Variants in SPTBN1 observed in about 807,000 individuals in gnomAD.
SPTBN1 encodes the protein spectrin beta, non-erythrocytic 1.
Under a neutral mutation model 266.4 loss-of-function variants are expected in SPTBN1, and 32 were observed. The ratio of observed to expected loss-of-function variants is 0.12; its 90% CI spans 0.09 to 0.16. SPTBN1 has a LOEUF of 0.16. Among genes scored for constraint, SPTBN1 ranks in the 10% least tolerant of loss-of-function variants. The pLI, the probability that SPTBN1 is intolerant of heterozygous loss-of-function variation, is 1.00. For missense variants in SPTBN1, 2,296 were observed against 3,067.1 expected (o/e 0.75, Z 5.94); for synonymous variants, 1,336 against 1,162.2 (o/e 1.15, Z -3.04).
At chr2:54,647,989 C>T (rs959599202) in intron 24 of SPTBN1, among the ~76,000 whole-genome samples, 3 of 152,152 alleles carry the variant, frequency 2.0e-5, no homozygotes, top group African/African-American at 7.2e-5. Flanking sequence ...ATGCATAGAC[C>T]TGTAAAATGA....
At position 54,628,261 on chromosome 2, in the gene SPTBN1, C is replaced by T. The variant is rs1232000651; in HGVS notation, c.1798+11C>T. 2 of 1,605,562 alleles carry T rather than the reference C, an allele frequency of 1.2e-6. No individual in the cohort carries two copies. The highest frequency in any genetic ancestry group is 1.7e-6 in the Non-Finnish European group (2 of 1,176,288). ...CAACAGACGGGGAAGGTAAGGATGG[C>T]CCATTCCAAGCATTACCTCCGGGTC... On this transcript the variant is annotated intron_variant, in intron 13 of 35. Coordinates refer to ENST00000356805, the MANE Select transcript of SPTBN1 (RefSeq NM_003128.3). This position sits in a 1 kb window ranked among gnomAD's most constrained non-coding sequence, Gnocchi z 4.3.
chr2:54,579,736 G>T (rs1446280248), intron 2 of SPTBN1, among the ~76,000 whole-genome samples: 3 of 152,242 alleles, frequency 2.0e-5, no homozygotes, highest in African/African-American at 7.2e-5. Context: ...GAGAATTGAT[G>T]AGAATGTAGG....
chr2:54,483,734 C>A (rs1465991138), intron 1 of SPTBN1, among the ~76,000 whole-genome samples: 1 of 152,180 alleles, frequency 6.6e-6, no homozygotes, highest in Admixed American at 6.5e-5. Flanking sequence ...AGGGGTGTGA[C>A]CCCCAGTGGC....
intron 1 of SPTBN1, among the ~76,000 whole-genome samples, chr2:54,515,175 C>T (rs1431283818): frequency 6.6e-6 from 1 of 152,108 alleles, no homozygotes; most frequent in African/African-American, 2.4e-5. Flanking sequence ...TGACTCAATG[C>T]AAGAGGACAG....
chr2:54,561,297 C>T (rs1673282112), intron 2 of SPTBN1, among the ~76,000 whole-genome samples: 1 of 152,124 alleles, frequency 6.6e-6, no homozygotes, highest in South Asian at 2.1e-4. Context: ...CCATGTCTGG[C>T]TAATTTTTAA....
At chr2:54,569,117 G>GA (rs1416062440) in intron 2 of SPTBN1, among the ~76,000 whole-genome samples, 2 of 152,132 alleles carry the variant, frequency 1.3e-5, no homozygotes, top group African/African-American at 4.8e-5. Context: ...GGGTAGGGGA[G>GA]AAAAAACACC....
Position 54,533,218 on chromosome 2 carries a change from G to C in SPTBN1, c.148+6652G>C, listed in dbSNP as rs1378281578. ...CGAGATGGCGCAAGATTTCATCACAGTGCTCAGGATGGCATGCAATTTAAA... is the reference window on the plus strand; with the variant it reads ...CGAGATGGCGCAAGATTTCATCACACTGCTCAGGATGGCATGCAATTTAAA... On this transcript the variant is annotated intron_variant, in intron 2 of 35. Transcript: ENST00000356805. This position sits in a 1 kb window ranked among gnomAD's most constrained non-coding sequence, Gnocchi z 4.2. Among the ~76,000 whole-genome samples the C allele has an allele frequency of 2.6e-5, 4 of 152,130 alleles. No individual in the cohort carries two copies. The highest frequency in any genetic ancestry group is 7.2e-5 in the African/African-American group (3 of 41,420).
At chr2:54,566,494 AG>A (rs1177250613) in intron 2 of SPTBN1, among the ~76,000 whole-genome samples, 5 of 152,032 alleles carry the variant, frequency 3.3e-5, no homozygotes, top group African/African-American at 1.2e-4. Context: ...GGCCCCTGTA[AG>A]CATGTTTTTC....
chr2:54,524,180 C>A (rs1321057334), intron 1 of SPTBN1, among the ~76,000 whole-genome samples: 3 of 151,982 alleles, frequency 2.0e-5, no homozygotes, highest in Admixed American at 2.0e-4. Context: ...GCCTGGGTGA[C>A]AGAGCGAAAC....
intron 18 of SPTBN1, among the ~76,000 whole-genome samples, chr2:54,638,829 A>G (rs537842682): frequency 4.6e-5 from 7 of 152,356 alleles, no homozygotes; most frequent in Admixed American, 6.5e-5. Flanking sequence ...TACAACTTCA[A>G]TCATCACAGA....
intron 2 of SPTBN1, among the ~76,000 whole-genome samples, chr2:54,582,578 AAAG>A (rs1012561695): frequency 6.6e-6 from 1 of 152,010 alleles, no homozygotes; most frequent in African/African-American, 2.4e-5. Context: ...AAAAAAAAAA[AAAG>A]AAATATGGAG....
chr2:54,528,745 C>G (rs1670999444), intron 2 of SPTBN1: 1 of 150,922 alleles, frequency 6.6e-6, no homozygotes, highest in Non-Finnish European at 1.5e-5. Context: ...GAGAGCATTG[C>G]TAGTGAGGTA....
chr2:54,472,022 G>GTT (rs768988675), intron 1 of SPTBN1, among the ~76,000 whole-genome samples: 2,344 of 66,684 alleles, frequency 0.035, 497 homozygotes, highest in African/African-American at 0.086. Context: ...CCCTGAAGAT[G>GTT]TTTTTTTTTT....
Position 54,649,762 on chromosome 2 carries a change from A to C in SPTBN1, c.5350A>C (p.Asn1784His). 1 of 1,614,198 alleles carries C rather than the reference A, an allele frequency of 6.2e-7. No homozygotes were observed. The highest frequency in any genetic ancestry group is 1.1e-5 in the South Asian group (1 of 91,088). Residue 1784 changes from asparagine to histidine, a missense_variant, in exon 26 of 36, where the codon AAT (asparagine) becomes CAT (histidine). Physicochemically the swap from Asn to His is moderately conservative, Grantham distance 68. Coordinates refer to ENST00000356805, the MANE Select transcript of SPTBN1 (RefSeq NM_003128.3). This position sits in a 1 kb window ranked among gnomAD's most constrained non-coding sequence, Gnocchi z 6.7. ...ATIAEWKDGLNEAWADLLELI... is the reference protein window; with the variant it reads ...ATIAEWKDGLHEAWADLLELI... The stretch of plus-strand genomic sequence containing the variant: ...CATCGCTGAATGGAAGGATGGCCTC[A>C]ATGAAGCCTGGGCCGACCTCCTGGA...
intron 3 of SPTBN1, among the ~76,000 whole-genome samples, chr2:54,611,070 C>G (rs763977452): frequency 9.1e-4 from 135 of 148,766 alleles, no homozygotes; most frequent in Admixed American, 1.5e-3. Context: ...GGTGCCATTA[C>G]AATCTGTGTT....
intron 2 of SPTBN1, chr2:54,527,563 T>C (rs1670895063): frequency 6.6e-6 from 1 of 152,192 alleles, no homozygotes. Context: ...ATTCAGTCTT[T>C]AAGCAAGACT....
intron 2 of SPTBN1, among the ~76,000 whole-genome samples, chr2:54,548,130 G>A (rs552021356): frequency 2.2e-4 from 34 of 152,314 alleles, no homozygotes; most frequent in African/African-American, 7.2e-4. Context: ...GCAACAGAGC[G>A]AGGCTCCATC....
chr2:54,458,138 GT>G (rs1693165872), intron 1 of SPTBN1, among the ~76,000 whole-genome samples: 1 of 152,202 alleles, frequency 6.6e-6, no homozygotes, highest in South Asian at 2.1e-4. Flanking sequence ...CTTCACAACT[GT>G]GACATTACAG....
intron 1 of SPTBN1, 118 bp from the exon 2 acceptor site, chr2:54,526,254 A>G: frequency 1.3e-6 from 1 of 781,014 alleles, no homozygotes; most frequent in Non-Finnish European, 1.9e-6. Context: ...GCATTGCTCC[A>G]GAAGACCTAT....
Sources: allele counts gnomAD v4.1 joint callset (sites outside exome capture counted in the v4.1 genomes callset), GRCh38; gene constraint gnomAD v4.1.1; non-coding constraint Gnocchi (gnomAD v3.1); transcripts MANE v1.5; gene names NCBI Gene and HGNC (gene_info 2026-07-23, HGNC 2026-07-21).